RIN3: variants seen among roughly 807,000 people sequenced by gnomAD.
RIN3 encodes the protein Ras and Rab interactor 3, also known as RAB5 interacting protein 3.
A neutral mutation model predicts 76.3 loss-of-function variants in RIN3; 54 were observed. That is an observed-to-expected ratio of 0.71 (90% CI 0.57 to 0.89). RIN3 has a LOEUF of 0.89. RIN3 is among the 40% of genes least tolerant of loss of function. The pLI, the probability that RIN3 is intolerant of heterozygous loss-of-function variation, is 0.00. For missense variants in RIN3, 1,256 were observed against 1,322.1 expected (o/e 0.95, Z 0.78); for synonymous variants, 576 against 564.0 (o/e 1.02, Z -0.30).
chr14:92,634,162 C>T (rs932143588), intron 4 of RIN3, among the ~76,000 whole-genome samples: 1 of 149,960 alleles, frequency 6.7e-6, no homozygotes, highest in Non-Finnish European at 1.5e-5. Flanking sequence ...GCAACCTCCG[C>T]CTCCTGGGTT....
At chr14:92,589,353 C>T (rs769950839) in intron 3 of RIN3, among the ~76,000 whole-genome samples, 1 of 152,062 alleles carries the variant, frequency 6.6e-6, no homozygotes, top group Non-Finnish European at 1.5e-5. Flanking sequence ...TTCATATTGT[C>T]GCATCTTCTT....
At chr14:92,635,603 G>A (rs931806547) in intron 4 of RIN3, among the ~76,000 whole-genome samples, 4 of 152,238 alleles carry the variant, frequency 2.6e-5, no homozygotes, top group African/African-American at 7.2e-5. Context: ...TGTAATCCCA[G>A]CACTTCGGGA....
chr14:92,678,001 A>C (rs1888529128), intron 8 of RIN3, among the ~76,000 whole-genome samples: 1 of 135,712 alleles, frequency 7.4e-6, no homozygotes, highest in Non-Finnish European at 1.6e-5. Flanking sequence ...TCAGCTACCC[A>C]TCCACATTTC....
At chr14:92,547,444 G>C (rs1296132892) in intron 1 of RIN3, among the ~76,000 whole-genome samples, 2 of 148,274 alleles carry the variant, frequency 1.3e-5, no homozygotes, top group East Asian at 4.0e-4. Flanking sequence ...ACCCAGGCTG[G>C]AGTGCAGTGG....
chr14:92,524,295 G>A (rs1396589856), intron 1 of RIN3, among the ~76,000 whole-genome samples: 2 of 152,240 alleles, frequency 1.3e-5, no homozygotes, highest in East Asian at 1.9e-4. Context: ...CTGTCTCTTC[G>A]TTGAAACAGT....
chr14:92,650,435 C>A (rs879868708), intron 5 of RIN3, among the ~76,000 whole-genome samples: 1 of 152,216 alleles, frequency 6.6e-6, no homozygotes, highest in Admixed American at 6.5e-5. Context: ...GCAGCAAGAA[C>A]GCCATGGATG....
intron 7 of RIN3, among the ~76,000 whole-genome samples, chr14:92,660,044 T>A (rs1595492710): frequency 6.6e-6 from 1 of 152,234 alleles, no homozygotes; most frequent in South Asian, 2.1e-4. Flanking sequence ...CCCACTCCAG[T>A]GTGACTTCAT....
chr14:92,544,149 A>G (rs1897192410), intron 1 of RIN3, among the ~76,000 whole-genome samples: 1 of 152,066 alleles, frequency 6.6e-6, no homozygotes, highest in African/African-American at 2.4e-5. Flanking sequence ...GCTTTACACA[A>G]GAGGACTCTG....
chr14:92,673,192 C>T (rs964975176), intron 7 of RIN3, among the ~76,000 whole-genome samples: 1 of 152,118 alleles, frequency 6.6e-6, no homozygotes, highest in Non-Finnish European at 1.5e-5. Context: ...ATATCAATAT[C>T]ACAGCATGTA....
At chr14:92,577,076 A>T (rs1481745759) in intron 2 of RIN3, among the ~76,000 whole-genome samples, 1 of 152,102 alleles carries the variant, frequency 6.6e-6, no homozygotes, top group Non-Finnish European at 1.5e-5. Flanking sequence ...ACCTCCCCCC[A>T]CCATGGACTC....
At chr14:92,633,017 G>C (rs1036300055) in intron 4 of RIN3, among the ~76,000 whole-genome samples, 4 of 152,208 alleles carry the variant, frequency 2.6e-5, no homozygotes, top group Admixed American at 2.6e-4. Flanking sequence ...GCCATAGCAG[G>C]TGGTGGGATT....
intron 3 of RIN3, among the ~76,000 whole-genome samples, chr14:92,594,658 G>T (rs938679539): frequency 6.6e-6 from 1 of 152,214 alleles, no homozygotes; most frequent in African/African-American, 2.4e-5. Context: ...GTAGGATGCA[G>T]TGAAAACAGT....
chr14:92,595,292 A>G (rs1885115123), intron 3 of RIN3, among the ~76,000 whole-genome samples: 1 of 152,190 alleles, frequency 6.6e-6, no homozygotes, highest in Non-Finnish European at 1.5e-5. Context: ...TTCTGCTCTC[A>G]AAAGGATCAC....
At chr14:92,550,159 TC>T (rs1266944893) in intron 1 of RIN3, among the ~76,000 whole-genome samples, 15 of 152,318 alleles carry the variant, frequency 9.8e-5, no homozygotes, top group African/African-American at 3.6e-4. Flanking sequence ...ATCTTTGCCA[TC>T]TTGCCACAAG....
At chr14:92,599,701 C>T (rs1885278080) in intron 3 of RIN3, among the ~76,000 whole-genome samples, 1 of 152,124 alleles carries the variant, frequency 6.6e-6, no homozygotes, top group Admixed American at 6.5e-5. Flanking sequence ...GCGTCACCAG[C>T]ACAAGGGCAG....
intron 1 of RIN3, among the ~76,000 whole-genome samples, chr14:92,537,587 C>T (rs1170767673): frequency 6.8e-6 from 1 of 146,346 alleles, no homozygotes; most frequent in Non-Finnish European, 1.5e-5. Flanking sequence ...TCCATGAAGG[C>T]TGTACTAACT....
chr14:92,661,130 T>C (rs1355640130), intron 7 of RIN3, among the ~76,000 whole-genome samples: 1 of 152,248 alleles, frequency 6.6e-6, no homozygotes, highest in East Asian at 1.9e-4. Context: ...TCAGAAGCCA[T>C]ACTCAGTCAC....
intron 4 of RIN3, among the ~76,000 whole-genome samples, chr14:92,633,416 C>T (rs920955343): frequency 6.6e-6 from 1 of 152,200 alleles, no homozygotes; most frequent in Non-Finnish European, 1.5e-5. Context: ...TGTGACTAAG[C>T]CGCCACCCTC....
chr14:92,605,860 C>T (rs1291980318), intron 3 of RIN3, among the ~76,000 whole-genome samples: 1 of 152,110 alleles, frequency 6.6e-6, no homozygotes, highest in Non-Finnish European at 1.5e-5. Context: ...TTAATGATAT[C>T]AATAGAGAGA....
Sources: allele counts gnomAD v4.1 joint callset (sites outside exome capture counted in the v4.1 genomes callset), GRCh38; gene constraint gnomAD v4.1.1; transcripts MANE v1.5; gene names NCBI Gene and HGNC (gene_info 2026-07-23, HGNC 2026-07-21).